LRRC56: variants seen among roughly 807,000 people sequenced by gnomAD.
LRRC56 encodes leucine-rich repeat-containing protein 56.
In LRRC56, 41 loss-of-function variants were observed where a neutral mutation model predicts 47.8. The ratio of observed to expected loss-of-function variants is 0.86; its 90% CI spans 0.67 to 1.11. LRRC56 has a LOEUF of 1.11. Ranked by LOEUF, LRRC56 falls within the 50% of genes most tolerant of loss-of-function variation. LRRC56 has a pLI of 0.00. For synonymous variants in LRRC56, 387 were observed against 311.2 expected (o/e 1.24, Z -2.56); for missense variants, 759 against 704.2 (o/e 1.08, Z -0.88).
At chr11:546,031 G>C (rs1243128223) in intron 6 of LRRC56, among the ~76,000 whole-genome samples, 1 of 152,212 alleles carries the variant, frequency 6.6e-6, no homozygotes, top group East Asian at 1.9e-4. Flanking sequence ...AGAACTTTGG[G>C]AGGCCGAGGT....
chr11:506,846 G>C, the LRRC56 span: 1 of 152,412 alleles, frequency 6.6e-6, no homozygotes, highest in South Asian at 2.1e-4. Flanking sequence ...AGGACTTCCG[G>C]CAAGCCCCAA....
the LRRC56 span, among the ~76,000 whole-genome samples, chr11:525,350 T>G: frequency 6.6e-6 from 1 of 151,650 alleles, no homozygotes; most frequent in Non-Finnish European, 1.5e-5. Flanking sequence ...CCATCCTGGC[T>G]AACACGGTGA....
the LRRC56 span, chr11:528,744 C>T: frequency 2.6e-5 from 4 of 152,202 alleles, no homozygotes; most frequent in South Asian, 2.1e-4. Flanking sequence ...AACACACACA[C>T]GCACACGTTC....
chr11:545,355 T>C (rs1034651391), intron 6 of LRRC56, among the ~76,000 whole-genome samples: 1 of 152,324 alleles, frequency 6.6e-6, no homozygotes, highest in Admixed American at 6.5e-5. Context: ...GCACGGCTCA[T>C]TGCAGCCCAG....
chr11:515,355 G>T, the LRRC56 span, among the ~76,000 whole-genome samples: 1 of 152,104 alleles, frequency 6.6e-6, no homozygotes, highest in Non-Finnish European at 1.5e-5. Context: ...TGCCAGCCTG[G>T]GCTTGTCTTC....
chr11:521,981 GAAGAT>G, the LRRC56 span, among the ~76,000 whole-genome samples: 76 of 151,946 alleles, frequency 5.0e-4, no homozygotes, highest in African/African-American at 1.8e-3. Flanking sequence ...GCAGAAAAGG[GAAGAT>G]AAGATACAGG....
chr11:518,619 G>A, the LRRC56 span, among the ~76,000 whole-genome samples: 2 of 152,020 alleles, frequency 1.3e-5, no homozygotes, highest in African/African-American at 4.8e-5. Flanking sequence ...CACCCTGCCC[G>A]GCCGCCTGTT....
At chr11:517,659 A>G in the LRRC56 span, among the ~76,000 whole-genome samples, 9 of 152,212 alleles carry the variant, frequency 5.9e-5, no homozygotes, top group Non-Finnish European at 1.2e-4. Context: ...AAGTGTACCC[A>G]ACAGCTCCAA....
chr11:512,476 C>G, the LRRC56 span, among the ~76,000 whole-genome samples: 1 of 152,178 alleles, frequency 6.6e-6, no homozygotes, highest in African/African-American at 2.4e-5. Flanking sequence ...CTCAAATGAT[C>G]TGCCTGCCTC....
At chr11:545,860 A>G (rs1402484205) in intron 6 of LRRC56, among the ~76,000 whole-genome samples, 2 of 152,228 alleles carry the variant, frequency 1.3e-5, no homozygotes, top group Middle Eastern at 3.2e-3. Flanking sequence ...AGCTGTGTGA[A>G]TTGGGCTCCA....
chr11:533,378 C>G (rs775904299), upstream of LRRC56: 10 of 1,606,152 alleles, frequency 6.2e-6, no homozygotes, highest in South Asian at 1.1e-4. Context: ...GGGAGAGGGT[C>G]AGTGAGTGCT....
chr11:513,474 G>T, the LRRC56 span, among the ~76,000 whole-genome samples: 1 of 152,116 alleles, frequency 6.6e-6, no homozygotes, highest in Non-Finnish European at 1.5e-5. Context: ...GCTTTCTCGA[G>T]ATGGAATCTG....
Position 554,086 on chromosome 11 carries a change from G to A in LRRC56, c.1439G>A (p.Arg480Gln), listed in dbSNP as rs758847206. ...CTGCAGTCCAGGGGGCGTCGGCTCC[G>A]AGTCCTGGGCAGCTGGGGGCCTGGC... is the stretch of plus-strand genomic sequence containing the variant. ...TDLQSRGRRL[R>Q]VLGSWGPGLG... The change falls in exon 14 of 14, where the codon CGA (arginine) becomes CAA (glutamine). Residue 480 changes from arginine to glutamine, a missense_variant. Transcript: ENST00000270115. 18 of 1,608,338 alleles carry A rather than the reference G, an allele frequency of 1.1e-5. No homozygotes were observed. The highest frequency in any genetic ancestry group is 1.6e-4 in the Middle Eastern group (1 of 6,062).
chr11:551,603 C>A, intron 9 of LRRC56, 48 bp from the exon 10 acceptor site: 1 of 1,514,820 alleles, frequency 6.6e-7, no homozygotes, highest in Non-Finnish European at 8.8e-7. Context: ...GTCTGGGGGG[C>A]GCTCTCAGGC....
intron 11 of LRRC56, 28 bp from the exon 12 acceptor site, chr11:552,062 C>T: frequency 6.2e-7 from 1 of 1,607,896 alleles, no homozygotes; most frequent in Admixed American, 1.7e-5. Context: ...GGGCCAGAAT[C>T]CCTAAAGCAG....
the LRRC56 span, among the ~76,000 whole-genome samples, chr11:528,286 G>A: frequency 6.6e-6 from 1 of 152,358 alleles, no homozygotes; most frequent in East Asian, 1.9e-4. Flanking sequence ...CCTGAGCAGG[G>A]ATGTGATCCG....
At chr11:548,408 A>T (rs1852198272) in intron 6 of LRRC56, among the ~76,000 whole-genome samples, 1 of 152,098 alleles carries the variant, frequency 6.6e-6, no homozygotes, top group Non-Finnish European at 1.5e-5. Flanking sequence ...AGCCTCCTGA[A>T]GTGCCAGGAT....
intron 6 of LRRC56, among the ~76,000 whole-genome samples, chr11:549,616 T>C (rs1852269161): frequency 6.6e-6 from 1 of 152,220 alleles, no homozygotes; most frequent in Non-Finnish European, 1.5e-5. Context: ...GCCTGCAGCC[T>C]GCCAGGGAGG....
rs747828088 is a variant in LRRC56, at chr11:541,588, T to G, written c.229T>G (p.Cys77Gly). ...DLRLVRTLEM[C>G]VDTREGSLGN... ...TCGGCTGGTGAGGACGCTGGAGATG[T>G]GTGTGGACACTCGTGAGGGCAGCCT... is the stretch of plus-strand genomic sequence containing the variant. Residue 77 changes from cysteine to glycine, a missense_variant, in exon 5 of 14, where the codon TGT becomes GGT. Cys to Gly is a radical substitution (Grantham distance 159). Transcript: ENST00000270115. The surrounding 1 kb of genome is among the most constrained non-coding windows in gnomAD (Gnocchi z 4.1). The G allele has an allele frequency of 6.3e-7, 1 of 1,591,294 alleles. No individual in the cohort carries two copies. The highest frequency in any genetic ancestry group is 2.3e-5 in the East Asian group (1 of 42,646).
Sources: gnomAD v4.1 joint callset for allele counts (sites outside exome capture counted in the v4.1 genomes callset) on GRCh38, gnomAD v4.1.1 for gene constraint, Gnocchi (gnomAD v3.1) non-coding constraint, MANE v1.5 for transcripts, NCBI Gene and HGNC (gene_info 2026-07-23, HGNC 2026-07-21) for gene names.